The following DPEP2NB variants were observed in gnomAD, a reference collection of about 807,000 sequenced individuals.
The protein encoded by DPEP2NB is DPEP2 neighbor protein.
For synonymous variants in DPEP2NB, 35 were observed against 55.3 expected, an observed-to-expected ratio of 0.63 and a Z score of 1.63; for missense variants, 117 against 151.8, an observed-to-expected ratio of 0.77 and a Z score of 1.21.
At chr16:68,014,482 G>C in intron 1 of DPEP2NB, 70 bp from the exon 2 acceptor site, 1 of 1,068,720 alleles carries the variant, frequency 9.4e-7, no homozygotes, top group Non-Finnish European at 1.2e-6. Flanking sequence ...CCTCTCTCGC[G>C]ACTCTTCCTA....
Position 68,014,158 on chromosome 16 carries a change from G to A in DPEP2NB, c.322C>T (p.Arg108Cys), listed in dbSNP as rs1317510358. 8.1e-6 allele frequency: 10 copies of A among 1,231,640 alleles called. No homozygotes were observed. Among genetic ancestry groups the A allele is most frequent in the South Asian group, 8.2e-5 (2 of 24,326 alleles). The allele number at this position is 1,231,640 out of a possible 1,614,324, so 76.3% of individuals were successfully genotyped here. Residue 108 changes from arginine to cysteine, a missense_variant, in exon 2 of 2, where the codon CGC (arginine) becomes TGC (cysteine). Physicochemically the swap from Arg to Cys is radical, Grantham distance 180. Transcript: ENST00000574912. ...AGTCTCCTGCCACGATGCTCCAAGC[G>A]CCGAATTTTGGGGCTAGAGCAACCC... ...DLGCSSPKIR[R>C]LEHRGRRLTP...
chr16:68,015,173 C>T (rs553359427), intron 1 of DPEP2NB, among the ~76,000 whole-genome samples: 91 of 151,946 alleles, frequency 6.0e-4, no homozygotes, highest in African/African-American at 2.1e-3. Context: ...GGGCCGATCG[C>T]TTGAGCTCAG....
At chr16:68,015,659 TG>T in intron 1 of DPEP2NB, 44 bp downstream of exon 1, 1 of 1,102,730 alleles carries the variant, frequency 9.1e-7, no homozygotes, top group Non-Finnish European at 1.1e-6. Flanking sequence ...GGTGAAGCTG[TG>T]GGTACAGCAA....
At position 68,013,658 on chromosome 16, in the gene DPEP2NB, G is replaced by C. The variant is rs1012931887; in HGVS notation, c.*450C>G. 2.0e-5 allele frequency: 3 copies of C among 153,176 alleles called. No homozygotes were observed. The highest frequency in any genetic ancestry group is 7.2e-5 in the African/African-American group (3 of 41,402). 9.5% of individuals were successfully genotyped at this position (153,176 alleles called of 1,614,324 possible). A position where few individuals can be genotyped will look rare whatever the true frequency, so the allele number is the denominator to read the frequency against. On this transcript the variant is annotated 3_prime_UTR_variant, in exon 2 of 2. Transcript: ENST00000574912. Reference sequence around the variant, plus strand: ...CTTTCTCCTGCTGTGACTAGCCATGGGCTGCTGCTTCCAGTTTCAGCAAGT... The same window carrying C: ...CTTTCTCCTGCTGTGACTAGCCATGCGCTGCTGCTTCCAGTTTCAGCAAGT...
At chr16:68,015,037 A>G (rs983678338) in intron 1 of DPEP2NB, among the ~76,000 whole-genome samples, 5 of 151,926 alleles carry the variant, frequency 3.3e-5, no homozygotes, top group African/African-American at 1.2e-4. Context: ...AAAAGGATCT[A>G]ATATTGTGCC....
intron 1 of DPEP2NB, among the ~76,000 whole-genome samples, chr16:68,015,209 T>C (rs1022667964): frequency 1.3e-5 from 2 of 151,206 alleles, no homozygotes; most frequent in East Asian, 3.9e-4. Flanking sequence ...CTAGGCAACA[T>C]GGCGAAACCC....
Position 68,014,377 on chromosome 16 carries a change from G to A in DPEP2NB, c.103C>T (p.His35Tyr). 1.6e-6 allele frequency: 2 copies of A among 1,231,880 alleles called. No homozygotes were observed. Among genetic ancestry groups the A allele is most frequent in the Non-Finnish European group, 2.0e-6 (2 of 988,060 alleles). 76.3% of individuals were successfully genotyped at this position (1,231,880 alleles called of 1,614,324 possible). ...CACCCTCGGTAGAGAACATGGTAGT[G>A]CCCAGGTGTGGGAGGAGAAGTGGCA... Reference protein sequence around the residue: ...VPATSPPTPGHYHVLYRGCGE... With the variant: ...VPATSPPTPGYYHVLYRGCGE... Residue 35 changes from histidine to tyrosine, a missense_variant, in exon 2 of 2, where the codon CAC becomes TAC. His to Tyr is a moderately conservative substitution (Grantham distance 83). Coordinates refer to ENST00000574912, the MANE Select transcript of DPEP2NB (RefSeq NM_001282442.2).
rs753506351 is a variant in DPEP2NB, at chr16:68,013,895, A to G, written c.*213T>C. 67 of 398,004 alleles carry G rather than the reference A, an allele frequency of 1.7e-4. No homozygotes were observed. The highest frequency in any genetic ancestry group is 2.8e-4 in the Non-Finnish European group (64 of 228,118). The allele number at this position is 398,004 out of a possible 1,614,324, so 24.7% of individuals were successfully genotyped here. On this transcript the variant is annotated 3_prime_UTR_variant, in exon 2 of 2. Transcript: ENST00000574912. ...TCAGGTTTTCTTCCAGGCCGTCTTCAGCCTTGGGATGTTCAAAGCAACCTC... is the reference window on the plus strand; with the variant it reads ...TCAGGTTTTCTTCCAGGCCGTCTTCGGCCTTGGGATGTTCAAAGCAACCTC...
chr16:68,014,209 C>T lies in DPEP2NB; in HGVS notation c.271G>A (p.Ala91Thr). ...AGGTCTTTATCTGACTCTATCGTAGCTTGACGTCTCTTGGGAGCACGCCTG... is the reference window on the plus strand; with the variant it reads ...AGGTCTTTATCTGACTCTATCGTAGTTTGACGTCTCTTGGGAGCACGCCTG... ...APRRAPKRRQ[A>T]TIESDKDLGC... Residue 91 changes from alanine to threonine, a missense_variant, in exon 2 of 2, where the codon GCT becomes ACT. By Grantham distance (58) the Ala-to-Thr change is moderately conservative. Coordinates refer to ENST00000574912, the MANE Select transcript of DPEP2NB (RefSeq NM_001282442.2). 8.1e-7 allele frequency: 1 copy of T among 1,231,770 alleles called. No homozygotes were observed. 76.3% of individuals were successfully genotyped at this position (1,231,770 alleles called of 1,614,324 possible).
In DPEP2NB at chr16:68,013,962, A is replaced by G. The variant is rs778302501; in HGVS notation, c.*146T>C. ...TTTCTGAGGCTCCTTGGCCATGGGT[A>G]GTTAGCATGGAAGGGGGCTTCTGGA... On this transcript the variant is annotated 3_prime_UTR_variant, in exon 2 of 2. Coordinates refer to ENST00000574912, the MANE Select transcript of DPEP2NB (RefSeq NM_001282442.2). The G allele has an allele frequency of 1.8e-6, 1 of 554,844 alleles. No homozygotes were observed. The highest frequency in any genetic ancestry group is 2.7e-6 in the Non-Finnish European group (1 of 369,894). 34.4% of individuals were successfully genotyped at this position (554,844 alleles called of 1,614,324 possible).
At position 68,013,442 on chromosome 16, in the gene DPEP2NB, G is replaced by T. The variant is rs8047119; in HGVS notation, c.*666C>A. 1 of 151,918 alleles carries T rather than the reference G, an allele frequency of 6.6e-6. No homozygotes were observed. Among genetic ancestry groups the T allele is most frequent in the South Asian group, 2.1e-4 (1 of 4,836 alleles). 9.4% of individuals were successfully genotyped at this position (151,918 alleles called of 1,614,324 possible). A position where few individuals can be genotyped will look rare whatever the true frequency, so the allele number is the denominator to read the frequency against. On this transcript the variant is annotated 3_prime_UTR_variant, in exon 2 of 2. Coordinates refer to ENST00000574912, the MANE Select transcript of DPEP2NB (RefSeq NM_001282442.2). The stretch of plus-strand genomic sequence containing the variant: ...AGATGATCAAGTCAAATACTGTTAT[G>T]GAAAAATAATTTTTTTAATTTTTTT...
Position 68,014,177 on chromosome 16 carries a change from G to A in DPEP2NB, c.303C>T (p.Cys101=). The change falls in exon 2 of 2, where the codon TGC becomes TGT. Residue 101 remains cysteine (C), a synonymous_variant. Coordinates refer to ENST00000574912, the MANE Select transcript of DPEP2NB (RefSeq NM_001282442.2). ...ATIESDKDLG[C]SSPKIRRLEH... The stretch of plus-strand genomic sequence containing the variant: ...CCAAGCGCCGAATTTTGGGGCTAGA[G>A]CAACCCAGGTCTTTATCTGACTCTA... 1 of 1,231,750 alleles carries A rather than the reference G, an allele frequency of 8.1e-7. No homozygotes were observed. Among genetic ancestry groups the A allele is most frequent in the Non-Finnish European group, 1.0e-6 (1 of 987,990 alleles). The allele number at this position is 1,231,750 out of a possible 1,614,324, so 76.3% of individuals were successfully genotyped here.
chr16:68,014,248 C>G lies in DPEP2NB; in HGVS notation c.232G>C (p.Glu78Gln), dbSNP rs1345394693. The G allele has an allele frequency of 7.3e-6, 9 of 1,231,746 alleles. No individual in the cohort carries two copies. The highest frequency in any genetic ancestry group is 9.1e-6 in the Non-Finnish European group (9 of 988,004). 76.3% of individuals were successfully genotyped at this position (1,231,746 alleles called of 1,614,324 possible). A position where few individuals can be genotyped will look rare whatever the true frequency, so the allele number is the denominator to read the frequency against. ...PLATPTKAEA[E>Q]KPAPRRAPKR... ...GGAGCACGCCTGGGGGCTGGCTTCT[C>G]TGCTTCAGCCTTTGTTGGGGTGGCC... is the stretch of plus-strand genomic sequence containing the variant. Residue 78 changes from glutamate (E) to glutamine (Q), a missense_variant, in exon 2 of 2, where the codon GAG (glutamate) becomes CAG (glutamine). Physicochemically the swap from Glu to Gln is conservative, Grantham distance 29. Coordinates refer to ENST00000574912, the MANE Select transcript of DPEP2NB (RefSeq NM_001282442.2).
intron 1 of DPEP2NB, 31 bp downstream of exon 1, chr16:68,015,673 C>T: frequency 8.4e-7 from 1 of 1,186,014 alleles, no homozygotes; most frequent in Non-Finnish European, 1.1e-6. Context: ...TACAGCAACG[C>T]CTCCTGTATA....
At chr16:68,015,514 T>C (rs112334847) in intron 1 of DPEP2NB, among the ~76,000 whole-genome samples, 190 bp downstream of exon 1, 11 of 149,736 alleles carry the variant, frequency 7.3e-5, no homozygotes, top group African/African-American at 2.2e-4. Flanking sequence ...CAGATGACAT[T>C]TCACTTGCCC....
chr16:68,015,845 T>A lies in DPEP2NB; in HGVS notation c.-75A>T. On this transcript the variant is annotated 5_prime_UTR_variant, in exon 1 of 2. Coordinates refer to ENST00000574912, the MANE Select transcript of DPEP2NB (RefSeq NM_001282442.2). Reference sequence around the variant, plus strand: ...GAGGCTTCTCTAGGACGCAGGTGTGTAGTCACGCTGCCATGGAAACTTTGG... The same window carrying A: ...GAGGCTTCTCTAGGACGCAGGTGTGAAGTCACGCTGCCATGGAAACTTTGG... The A allele has an allele frequency of 1.3e-6, 1 of 747,592 alleles. No individual in the cohort carries two copies. Among genetic ancestry groups the A allele is most frequent in the Non-Finnish European group, 1.8e-6 (1 of 545,956 alleles). 46.3% of individuals were successfully genotyped at this position (747,592 alleles called of 1,614,324 possible). A position where few individuals can be genotyped will look rare whatever the true frequency, so the allele number is the denominator to read the frequency against.
chr16:68,014,061 A>C lies in DPEP2NB; in HGVS notation c.*47T>G. ...CAGGGGAGGTCACCGCAGAAGAGGC[A>C]TTAGCTGTCTTAGACAGCTAAACAT... On this transcript the variant is annotated 3_prime_UTR_variant, in exon 2 of 2. Coordinates refer to ENST00000574912, the MANE Select transcript of DPEP2NB (RefSeq NM_001282442.2). 1 of 1,211,562 alleles carries C rather than the reference A, an allele frequency of 8.3e-7. No homozygotes were observed. The highest frequency in any genetic ancestry group is 1.0e-6 in the Non-Finnish European group (1 of 969,624). 75.1% of individuals were successfully genotyped at this position (1,211,562 alleles called of 1,614,324 possible).
chr16:68,014,982 G>T (rs2033157921), intron 1 of DPEP2NB, among the ~76,000 whole-genome samples: 1 of 152,052 alleles, frequency 6.6e-6, no homozygotes, highest in African/African-American at 2.4e-5. Context: ...TCCAGCCTGG[G>T]TGACAGAGCG....
Position 68,014,328 on chromosome 16 carries a change from T to C in DPEP2NB, c.152A>G (p.His51Arg). 8.1e-7 allele frequency: 1 copy of C among 1,231,818 alleles called. No individual in the cohort carries two copies. The highest frequency in any genetic ancestry group is 1.5e-5 in the African/African-American group (1 of 64,554). 76.3% of individuals were successfully genotyped at this position (1,231,818 alleles called of 1,614,324 possible). The change falls in exon 2 of 2, where the codon CAT becomes CGT. Residue 51 changes from histidine to arginine, a missense_variant. By Grantham distance (29) the His-to-Arg change is conservative (BLOSUM62 0). Coordinates refer to ENST00000574912, the MANE Select transcript of DPEP2NB (RefSeq NM_001282442.2). The part of the protein sequence containing the change: ...RGCGETQVGW[H>R]GETYCLVGGY... ...ACCAACCAGGCAGTACGTCTCCCCA[T>C]GCCAGCCTACCTGAGTTTCTCCACA...
Sources: allele counts gnomAD v4.1 joint callset (sites outside exome capture counted in the v4.1 genomes callset), GRCh38; gene constraint gnomAD v4.1.1; transcripts MANE v1.5; gene names NCBI Gene and HGNC (gene_info 2026-07-23, HGNC 2026-07-21).